The following RTTN variants were observed in gnomAD, a reference collection of about 807,000 sequenced individuals.
RTTN encodes rotatin.
A neutral mutation model predicts 269.2 loss-of-function variants in RTTN; 182 were observed. That is an observed-to-expected ratio of 0.68 (90% confidence interval 0.60 to 0.76). The LOEUF (loss-of-function observed/expected upper bound fraction) is 0.76, where lower values mean the gene tolerates loss of function less well. Among genes scored for constraint, RTTN ranks in the 30% least tolerant of loss-of-function variants. RTTN has a pLI of 0.00. For synonymous variants in RTTN, 1,006 were observed against 963.5 expected, an observed-to-expected ratio of 1.04 and a Z score of -0.82; for missense variants, 2,545 against 2,608.6, an observed-to-expected ratio of 0.98 and a Z score of 0.53.
Position 70,197,679 on chromosome 18 carries a change from A to T in RTTN, c.638T>A (p.Val213Asp). 6.2e-7 allele frequency: 1 copy of T among 1,614,014 alleles called. No homozygotes were observed. The highest frequency in any genetic ancestry group is 8.5e-7 in the Non-Finnish European group (1 of 1,179,888). Residue 213 changes from valine to aspartate, a missense_variant, in exon 6 of 49, where the codon GTT (valine) becomes GAT (aspartate). By Grantham distance (152) the Val-to-Asp change is radical (BLOSUM62 -3). Coordinates refer to ENST00000640769, the MANE Select transcript of RTTN (RefSeq NM_173630.4). ...CTCAGCAGGAAAATCTTGCATGATA[A>T]CATCCTTCAATAGTTCACAGGTGTT... ...IWNTCELLKDVIMQDFPAEIF... is the reference protein window; with the variant it reads ...IWNTCELLKDDIMQDFPAEIF...
chr18:70,059,843 C>G lies in RTTN; in HGVS notation c.4940+7G>C, dbSNP rs17082039. 1 of 1,571,986 alleles carries G rather than the reference C, an allele frequency of 6.4e-7. No homozygotes were observed. The highest frequency in any genetic ancestry group is 1.4e-5 in the African/African-American group (1 of 73,322). ...AACATGCCTCTCTAGGAGTATTTATCTCTTACCTACAGAGAAGTTCTATGA... is the reference window on the plus strand; with the variant it reads ...AACATGCCTCTCTAGGAGTATTTATGTCTTACCTACAGAGAAGTTCTATGA... On this transcript the variant is annotated splice_region_variant and intron_variant, in intron 36 of 48. Coordinates refer to ENST00000640769, the MANE Select transcript of RTTN (RefSeq NM_173630.4).
chr18:70,026,160 G>A lies in RTTN; in HGVS notation c.5824-1312C>T, dbSNP rs1419478514. Among the ~76,000 whole-genome samples the A allele has an allele frequency of 3.9e-5, 6 of 152,216 alleles. 1 individual carries two copies. The highest frequency in any genetic ancestry group is 3.4e-3 in the Middle Eastern group (1 of 294). ...CTGCCCTGATGATTCTATTGAGGCC[G>A]CTTCTACTTTTGTGGTTGCCAACAA... On this transcript the variant is annotated intron_variant, in intron 43 of 48. Transcript: ENST00000640769.
rs114102235 is a variant in RTTN at position 70,162,366 on chromosome 18, G to A, written c.1929+3696C>T. On this transcript the variant is annotated intron_variant, in intron 14 of 48. Transcript: ENST00000640769. ...CAGTGGGGCCTACTTCACAAGGGAA[G>A]GTGGGAAGAGAACGTATTAGCCTAT... Among the ~76,000 whole-genome samples, 178 of 152,264 alleles carry A rather than the reference G, an allele frequency of 1.2e-3. 1 individual carries two copies. Among genetic ancestry groups the A allele is most frequent in the African/African-American group, 4.1e-3 (170 of 41,536 alleles).
rs1379376898 is a variant in RTTN at position 70,121,690 on chromosome 18, C to T, written c.3394G>A (p.Val1132Met). ...TCATCTTCAGTGCAAGCAGGAAGCA[C>T]CTGTAAAAACCTATAATGAAAAGAC... The part of the protein sequence containing the change: ...WHTALNRFLQ[V>M]LPACTEDEKL... Residue 1132 changes from valine to methionine, a missense_variant, in exon 26 of 49, where the codon GTG (valine) becomes ATG (methionine). Val to Met is a conservative substitution (Grantham distance 21). Coordinates refer to ENST00000640769, the MANE Select transcript of RTTN (RefSeq NM_173630.4). The T allele has an allele frequency of 4.5e-6, 7 of 1,546,250 alleles. No individual in the cohort carries two copies. The highest frequency in any genetic ancestry group is 5.2e-6 in the Non-Finnish European group (6 of 1,152,926).
chr18:70,006,551 T>A, intron 46 of RTTN, 67 bp from the exon 47 acceptor site: 4 of 1,181,526 alleles, frequency 3.4e-6, no homozygotes, highest in Non-Finnish European at 5.0e-6. Flanking sequence ...TATCTTGGAC[T>A]AGTCAGACAC....
chr18:70,058,105 AAATAT>A (rs2057869736), intron 36 of RTTN, among the ~76,000 whole-genome samples: 1 of 152,252 alleles, frequency 6.6e-6, no homozygotes, highest in Non-Finnish European at 1.5e-5. Flanking sequence ...AAGCAGAATA[AAATAT>A]AATACAGCCC....
chr18:70,072,075 A>G (rs1382243287), intron 34 of RTTN, among the ~76,000 whole-genome samples: 1 of 152,138 alleles, frequency 6.6e-6, no homozygotes, highest in Non-Finnish European at 1.5e-5. Context: ...GGCAGAATGA[A>G]AACACTCTCC....
At chr18:70,009,152 G>C (rs996308943) in intron 46 of RTTN, 11 of 152,096 alleles carry the variant, frequency 7.2e-5, no homozygotes, top group Non-Finnish European at 1.3e-4. Flanking sequence ...TGTTGGGGAG[G>C]GGGATGCAGT....
rs2058404149 is a variant in RTTN at position 70,075,488 on chromosome 18, G to A, written c.4428C>T (p.Ala1476=). The A allele has an allele frequency of 6.2e-7, 1 of 1,602,706 alleles. No homozygotes were observed. Among genetic ancestry groups the A allele is most frequent in the East Asian group, 2.3e-5 (1 of 44,222 alleles). The change falls in exon 33 of 49, where the codon GCC becomes GCT. Residue 1476 remains alanine (A), a synonymous_variant. Transcript: ENST00000640769. ...GGCAGTGATATAAAAGAGCCTGAAG[G>A]GCAGGTTTTCCAATGAGCGATAGGC... ...DSGLSLIGKP[A]LQALLYHCHF...
chr18:70,086,373 T>C (rs1231939185), intron 32 of RTTN, among the ~76,000 whole-genome samples: 1 of 152,112 alleles, frequency 6.6e-6, no homozygotes, highest in Non-Finnish European at 1.5e-5. Flanking sequence ...TCTAGAAGGG[T>C]GCCTAAAACA....
intron 44 of RTTN, among the ~76,000 whole-genome samples, chr18:70,023,957 G>A (rs185898): frequency 0.042 from 6,396 of 151,984 alleles, 356 homozygotes; most frequent in African/African-American, 0.13. Context: ...TAATTTTTGT[G>A]TTTTTAGTAG....
Position 70,134,504 on chromosome 18 carries a change from C to T in RTTN, c.2923G>A (p.Val975Ile), listed in dbSNP as rs1018376750. 6.2e-6 allele frequency: 10 copies of T among 1,609,912 alleles called. No individual in the cohort carries two copies. The highest frequency in any genetic ancestry group is 1.6e-4 in the Middle Eastern group (1 of 6,064). Reference protein sequence around the residue: ...NPSNKPSLPSVFSLPVSVFRR... With the variant: ...NPSNKPSLPSIFSLPVSVFRR... ...AAAACGGAAACAGGCAAACTGAAGA[C>T]CGATGGCAAAGAAGGTTTATTGGAA... Residue 975 changes from valine to isoleucine, a missense_variant, in exon 23 of 49, where the codon GTC (valine) becomes ATC (isoleucine). Coordinates refer to ENST00000640769, the MANE Select transcript of RTTN (RefSeq NM_173630.4).
chr18:70,026,538 A>AGAAGCAGAC (rs1437998071), intron 43 of RTTN, among the ~76,000 whole-genome samples: 1 of 152,126 alleles, frequency 6.6e-6, no homozygotes, highest in East Asian at 1.9e-4. Flanking sequence ...AGGCCTCCCC[A>AGAAGCAGAC]GAAGCAGACG....
At chr18:70,163,092 A>AAC (rs2060889038) in intron 14 of RTTN, among the ~76,000 whole-genome samples, 1 of 147,288 alleles carries the variant, frequency 6.8e-6, no homozygotes, top group East Asian at 2.0e-4. Context: ...AAAAAAAAAA[A>AAC]AAAAAACAAG....
intron 32 of RTTN, among the ~76,000 whole-genome samples, chr18:70,082,457 TTTC>T (rs879495442): frequency 3.9e-5 from 6 of 152,124 alleles, no homozygotes; most frequent in Admixed American, 2.6e-4. Context: ...AATCAATAGA[TTTC>T]TTGTTATAAT....
intron 3 of RTTN, among the ~76,000 whole-genome samples, chr18:70,202,392 A>C (rs2061975648): frequency 6.6e-6 from 1 of 152,224 alleles, no homozygotes; most frequent in Non-Finnish European, 1.5e-5. Flanking sequence ...GTCAAATATT[A>C]TCTTTCAATA....
At chr18:70,117,227 T>C (rs2059624221) in intron 26 of RTTN, among the ~76,000 whole-genome samples, 1 of 152,082 alleles carries the variant, frequency 6.6e-6, no homozygotes, top group African/African-American at 2.4e-5. Context: ...GTATATCTTT[T>C]CATGTATGTC....
chr18:70,199,845 A>G (rs2146169601), intron 4 of RTTN, among the ~76,000 whole-genome samples: 1 of 152,370 alleles, frequency 6.6e-6, no homozygotes, highest in South Asian at 2.1e-4. Context: ...ATTCAACATA[A>G]AAGGAACTGA....
intron 35 of RTTN, among the ~76,000 whole-genome samples, chr18:70,060,317 T>C (rs1362328804): frequency 6.6e-6 from 1 of 152,166 alleles, no homozygotes; most frequent in Non-Finnish European, 1.5e-5. Context: ...GGGCAGAACA[T>C]GACTTCATGC....
Sources: allele counts gnomAD v4.1 joint callset (sites outside exome capture counted in the v4.1 genomes callset), GRCh38; gene constraint gnomAD v4.1.1; transcripts MANE v1.5; gene names NCBI Gene and HGNC (gene_info 2026-07-23, HGNC 2026-07-21).